STK3: variants seen among roughly 807,000 people sequenced by gnomAD.
STK3 encodes the protein serine/threonine kinase 3.
STK3 carries 41 observed loss-of-function variants against 58.0 expected under a neutral mutation model. The ratio of observed to expected loss-of-function variants is 0.71; its 90% CI spans 0.55 to 0.92. STK3 has a LOEUF of 0.92. STK3 is among the 40% of genes least tolerant of loss of function. STK3 has a pLI of 0.00. For synonymous variants in STK3, 170 were observed against 191.0 expected (o/e 0.89, Z 0.91); for missense variants, 479 against 602.7 (o/e 0.79, Z 2.15).
chr8:98,841,377 GAATTATGTACAGTTTATTGTATGTC>G (rs1053612494), intron 3 of STK3, among the ~76,000 whole-genome samples: 4 of 152,122 alleles, frequency 2.6e-5, no homozygotes, highest in Admixed American at 2.6e-4. Context: ...AACTGCACTT[GAATTATGTACAGTTTATTGTATGTC>G]AATTATATCT....
At chr8:98,930,385 TGTTCA>T (rs1156741164) in intron 1 of STK3, among the ~76,000 whole-genome samples, 1 of 152,244 alleles carries the variant, frequency 6.6e-6, no homozygotes, top group Non-Finnish European at 1.5e-5. Flanking sequence ...ATAAAGTATG[TGTTCA>T]GTTATTTACT....
downstream of STK3, among the ~76,000 whole-genome samples, chr8:98,397,115 C>G (rs1157570645): frequency 6.6e-6 from 1 of 152,176 alleles, no homozygotes; most frequent in Non-Finnish European, 1.5e-5. Flanking sequence ...CCCTTATAAC[C>G]AAACAGTTCA....
chr8:98,498,885 G>A (rs919273877), intron 10 of STK3, among the ~76,000 whole-genome samples: 1 of 152,116 alleles, frequency 6.6e-6, no homozygotes, highest in African/African-American at 2.4e-5. Context: ...GCTGAATAAT[G>A]GTCCCTTGAG....
chr8:98,410,224 G>A (rs1026254756), intron 3 of STK3, among the ~76,000 whole-genome samples: 1 of 152,128 alleles, frequency 6.6e-6, no homozygotes, highest in South Asian at 2.1e-4. Context: ...ACAGGCCAAG[G>A]AGCAGCGGAA....
At chr8:98,382,030 G>A (rs930747601) in intron 1 of STK3, among the ~76,000 whole-genome samples, 1 of 152,128 alleles carries the variant, frequency 6.6e-6, no homozygotes, top group African/African-American at 2.4e-5. Flanking sequence ...CCAAGAGATT[G>A]TTTTATTTAC....
chr8:98,476,317 T>C (rs1821306753), intron 10 of STK3, among the ~76,000 whole-genome samples: 1 of 152,146 alleles, frequency 6.6e-6, no homozygotes, highest in South Asian at 2.1e-4. Context: ...AACTCTAATA[T>C]TGGGCAGACT....
intron 3 of STK3, among the ~76,000 whole-genome samples, chr8:98,426,596 A>C (rs1586556508): frequency 4.1e-5 from 6 of 144,580 alleles, no homozygotes; most frequent in African/African-American, 5.2e-5. Context: ...CAACAACCCC[A>C]CCCCCGGGCT....
At chr8:98,647,703 T>C (rs577538485) in intron 6 of STK3, among the ~76,000 whole-genome samples, 10 of 152,284 alleles carry the variant, frequency 6.6e-5, no homozygotes, top group African/African-American at 2.4e-4. Flanking sequence ...AGACACAGTA[T>C]GCCATGTTTC....
intron 4 of STK3, among the ~76,000 whole-genome samples, chr8:98,713,019 T>C (rs1826645174): frequency 6.6e-6 from 1 of 152,178 alleles, no homozygotes; most frequent in Non-Finnish European, 1.5e-5. Context: ...CTGAACAACC[T>C]GCTCCTAAAT....
chr8:98,830,692 C>A (rs1351567941), intron 3 of STK3, among the ~76,000 whole-genome samples: 1 of 152,112 alleles, frequency 6.6e-6, no homozygotes, highest in African/African-American at 2.4e-5. Context: ...GGTAATCGGC[C>A]AGGCGCGGTG....
intron 6 of STK3, among the ~76,000 whole-genome samples, chr8:98,679,123 T>C (rs1823438865): frequency 6.6e-6 from 1 of 152,256 alleles, no homozygotes; most frequent in African/African-American, 2.4e-5. Context: ...TCTCGGTTTA[T>C]GCAAAAGTCT....
intron 10 of STK3, among the ~76,000 whole-genome samples, chr8:98,511,618 A>G (rs1384708189): frequency 6.6e-6 from 1 of 152,122 alleles, no homozygotes; most frequent in Admixed American, 6.6e-5. Context: ...ATGAATTAAA[A>G]TAATAGTTTC....
chr8:98,636,418 C>T (rs949104293), intron 6 of STK3, among the ~76,000 whole-genome samples: 2 of 152,098 alleles, frequency 1.3e-5, no homozygotes, highest in Non-Finnish European at 2.9e-5. Flanking sequence ...TTACTGACTG[C>T]CTATCATATG....
chr8:98,474,702 GTC>G (rs1821177668), intron 10 of STK3, among the ~76,000 whole-genome samples: 1 of 152,072 alleles, frequency 6.6e-6, no homozygotes, highest in South Asian at 2.1e-4. Context: ...GATCTTAAAT[GTC>G]ATCTTCATAA....
At chr8:98,438,432 G>C (rs1211193146) in intron 1 of STK3, 1 of 152,180 alleles carries the variant, frequency 6.6e-6, no homozygotes, top group Non-Finnish European at 1.5e-5. Flanking sequence ...TGAAGTGCTG[G>C]CCTCAGCAAA....
rs763299521 is a variant in STK3, at chr8:98,593,539, C to T, written c.822+2493G>A. ...CACAGCAGGAGGTGAGTGAGCATTA[C>T]AGCCTGAACTCTGCCTACTGTCAGA... On this transcript the variant is annotated intron_variant, in intron 7 of 10. Coordinates refer to ENST00000419617, the MANE Select transcript of STK3 (RefSeq NM_006281.4). 2.6e-5 allele frequency among the ~76,000 whole-genome samples: 4 copies of T among 152,184 alleles called. No individual in the cohort carries two copies. In the South Asian group the frequency reaches 8.3e-4, roughly 32 times the overall value.
the STK3 span, among the ~76,000 whole-genome samples, chr8:98,349,924 G>A: frequency 0.66 from 100,718 of 151,632 alleles, 34,018 homozygotes; most frequent in African/African-American, 0.79. Flanking sequence ...TGCCACAAAG[G>A]TCTCTGACAT....
intron 2 of STK3, among the ~76,000 whole-genome samples, chr8:98,771,506 T>C (rs909865944): frequency 1.5e-4 from 23 of 152,116 alleles, no homozygotes; most frequent in Non-Finnish European, 2.6e-4. Flanking sequence ...TAGTCAACAT[T>C]GTAAGAGGTT....
the STK3 span, among the ~76,000 whole-genome samples, chr8:98,350,502 A>C: frequency 4.6e-5 from 7 of 152,218 alleles, no homozygotes; most frequent in Non-Finnish European, 1.0e-4. Context: ...TCTTTTCAGC[A>C]GTGCCCCACT....
Sources: allele counts gnomAD v4.1 joint callset (sites outside exome capture counted in the v4.1 genomes callset), GRCh38; gene constraint gnomAD v4.1.1; transcripts MANE v1.5; gene names NCBI Gene and HGNC (gene_info 2026-07-23, HGNC 2026-07-21).